Variants in ZNF475 observed in about 807,000 individuals in gnomAD.
ZNF475 encodes the protein zinc finger protein 475.
the ZNF475 span, among the ~76,000 whole-genome samples, chr5:122,161,897 C>G: frequency 6.6e-6 from 1 of 151,908 alleles, no homozygotes; most frequent in African/African-American, 2.4e-5. Flanking sequence ...TAATCAATAC[C>G]TCAAACCCTT....
chr5:122,179,727 A>G, the ZNF475 span: 1 of 1,506,224 alleles, frequency 6.6e-7, no homozygotes, highest in Non-Finnish European at 8.8e-7. Context: ...CAGGACCATT[A>G]CTGGTAAGTT....
chr5:122,179,898 G>T, the ZNF475 span: 1 of 499,626 alleles, frequency 2.0e-6, no homozygotes. Flanking sequence ...CCTGTCCAAA[G>T]AATTATCTTC....
the ZNF475 span, among the ~76,000 whole-genome samples, chr5:122,181,296 A>G: frequency 4.6e-5 from 7 of 152,216 alleles, no homozygotes; most frequent in African/African-American, 1.7e-4. Flanking sequence ...GGCCCTATGC[A>G]AAAACATTTA....
chr5:122,162,713 C>T, the ZNF475 span, among the ~76,000 whole-genome samples: 1 of 152,138 alleles, frequency 6.6e-6, no homozygotes, highest in Non-Finnish European at 1.5e-5. Flanking sequence ...GCACCCCCAC[C>T]CCTTGGTATT....
chr5:122,179,590 T>A, the ZNF475 span: 1 of 1,527,752 alleles, frequency 6.5e-7, no homozygotes, highest in Non-Finnish European at 8.7e-7. Flanking sequence ...GTTTGCTACA[T>A]TTGTGGTCGT....
At chr5:122,164,013 A>C in the ZNF475 span, among the ~76,000 whole-genome samples, 1 of 151,954 alleles carries the variant, frequency 6.6e-6, no homozygotes, top group African/African-American at 2.4e-5. Context: ...TTAATTCCTC[A>C]GTCAATGACT....
the ZNF475 span, among the ~76,000 whole-genome samples, chr5:122,182,095 A>T: frequency 2.0e-5 from 3 of 152,354 alleles, no homozygotes; most frequent in South Asian, 6.2e-4. Context: ...TTGTAAGCTT[A>T]TATTTAGAGT....
At chr5:122,171,401 A>C in the ZNF475 span, among the ~76,000 whole-genome samples, 1 of 152,190 alleles carries the variant, frequency 6.6e-6, no homozygotes, top group Non-Finnish European at 1.5e-5. Flanking sequence ...ACACAGACAT[A>C]TGTAAGTAGA....
At chr5:122,178,931 T>C in the ZNF475 span, among the ~76,000 whole-genome samples, 1 of 152,190 alleles carries the variant, frequency 6.6e-6, no homozygotes, top group Non-Finnish European at 1.5e-5. Context: ...AAGGAAGGGG[T>C]CCAGCTTCAG....
the ZNF475 span, among the ~76,000 whole-genome samples, chr5:122,161,395 T>C: frequency 6.6e-6 from 1 of 152,184 alleles, no homozygotes; most frequent in Non-Finnish European, 1.5e-5. Flanking sequence ...TGTTAAAGCT[T>C]CAAGTAATTG....
chr5:122,178,189 G>A, the ZNF475 span, among the ~76,000 whole-genome samples: 1 of 152,184 alleles, frequency 6.6e-6, no homozygotes, highest in Admixed American at 6.5e-5. Flanking sequence ...ATTGTGAACT[G>A]TGCTGCAGTA....
chr5:122,178,093 C>T, the ZNF475 span, among the ~76,000 whole-genome samples: 1 of 152,174 alleles, frequency 6.6e-6, no homozygotes, highest in Non-Finnish European at 1.5e-5. Context: ...TTTAAGGTTG[C>T]ACAGTATTCC....
At chr5:122,169,004 TG>T in the ZNF475 span, among the ~76,000 whole-genome samples, 1 of 152,174 alleles carries the variant, frequency 6.6e-6, no homozygotes, top group Non-Finnish European at 1.5e-5. Flanking sequence ...ACTTAGAACA[TG>T]TTGCGACCTT....
the ZNF475 span, chr5:122,179,717 C>G: frequency 4.0e-6 from 6 of 1,517,896 alleles, no homozygotes; most frequent in Middle Eastern, 1.8e-4. Context: ...AACCAGAAGT[C>G]AGGACCATTA....
the ZNF475 span, among the ~76,000 whole-genome samples, chr5:122,162,797 A>G: frequency 1.3e-5 from 2 of 152,154 alleles, no homozygotes; most frequent in Non-Finnish European, 2.9e-5. Context: ...CATTCTGAAA[A>G]CCTATCTGGG....
chr5:122,164,625 T>A, the ZNF475 span, among the ~76,000 whole-genome samples: 1 of 152,168 alleles, frequency 6.6e-6, no homozygotes, highest in African/African-American at 2.4e-5. Flanking sequence ...GGATCACCTG[T>A]GGGAGTCTCT....
the ZNF475 span, among the ~76,000 whole-genome samples, chr5:122,171,123 C>A: frequency 3.3e-5 from 5 of 151,848 alleles, 1 homozygote; most frequent in African/African-American, 1.2e-4. Context: ...TAATATTAAA[C>A]TATATTATAT....
chr5:122,180,398 G>C, the ZNF475 span, among the ~76,000 whole-genome samples: 8 of 152,284 alleles, frequency 5.3e-5, no homozygotes, highest in Non-Finnish European at 7.4e-5. Flanking sequence ...TATTTTAAAT[G>C]TCCAGAATTT....
the ZNF475 span, among the ~76,000 whole-genome samples, chr5:122,164,832 C>T: frequency 6.6e-6 from 1 of 152,194 alleles, no homozygotes; most frequent in Non-Finnish European, 1.5e-5. Flanking sequence ...CCCCTTCTCA[C>T]CCTGCCTCTG....
Sources: gnomAD v4.1 joint callset for allele counts (sites outside exome capture counted in the v4.1 genomes callset) on GRCh38, gnomAD v4.1.1 for gene constraint, MANE v1.5 for transcripts, NCBI Gene and HGNC (gene_info 2026-07-23, HGNC 2026-07-21) for gene names.